PAM: variants seen among roughly 807,000 people sequenced by gnomAD.
The protein encoded by PAM is peptidyl-glycine alpha-amidating monooxygenase.
In PAM, 72 loss-of-function variants were observed where a neutral mutation model predicts 122.1. The ratio of observed to expected loss-of-function variants is 0.59; its 90% CI spans 0.49 to 0.72. The LOEUF (loss-of-function observed/expected upper bound fraction) is 0.72, where lower values mean the gene tolerates loss of function less well. PAM is among the 30% of genes least tolerant of loss of function. The probability of loss-of-function intolerance (pLI) is 0.00; values close to 1 mark genes in which losing one functional copy is unlikely to be tolerated. For synonymous variants in PAM, 389 were observed against 404.4 expected (o/e 0.96, Z 0.46); for missense variants, 1,106 against 1,183.7 (o/e 0.93, Z 0.96).
chr5:102,951,914 G>T (rs1339806124), intron 12 of PAM, among the ~76,000 whole-genome samples: 1 of 151,970 alleles, frequency 6.6e-6, no homozygotes, highest in Non-Finnish European at 1.5e-5. Context: ...AACGATGATG[G>T]TAAGAAAAAG....
chr5:102,889,211 C>T (rs1794054126), intron 3 of PAM, among the ~76,000 whole-genome samples: 1 of 151,960 alleles, frequency 6.6e-6, no homozygotes, highest in African/African-American at 2.4e-5. Context: ...GGCTCCCTTG[C>T]TCTCTGGCTT....
chr5:102,977,646 A>G (rs1768112390), intron 15 of PAM, among the ~76,000 whole-genome samples: 1 of 144,826 alleles, frequency 6.9e-6, no homozygotes, highest in African/African-American at 2.6e-5. Context: ...CCCAACACAC[A>G]CATGCATGTG....
chr5:102,869,739 T>C (rs1488309284), intron 3 of PAM, among the ~76,000 whole-genome samples: 1 of 152,134 alleles, frequency 6.6e-6, no homozygotes, highest in East Asian at 1.9e-4. Flanking sequence ...GGTGTTCTAG[T>C]GAGGAAGACC....
At chr5:103,006,121 G>A (rs534391132) in intron 18 of PAM, among the ~76,000 whole-genome samples, 1 of 152,190 alleles carries the variant, frequency 6.6e-6, no homozygotes, top group South Asian at 2.1e-4. Flanking sequence ...ATTTTTTGTA[G>A]AGATGGGATT....
intron 15 of PAM, among the ~76,000 whole-genome samples, chr5:102,978,948 T>C (rs1472481696): frequency 6.6e-6 from 1 of 151,852 alleles, no homozygotes; most frequent in East Asian, 1.9e-4. Flanking sequence ...GTATCCGAAA[T>C]TCCACAGCTC....
At chr5:102,881,689 CTT>C (rs74272371) in intron 3 of PAM, among the ~76,000 whole-genome samples, 13,310 of 141,074 alleles carry the variant, frequency 0.094, 1,467 homozygotes, top group African/African-American at 0.26. Context: ...GTGATCCTAT[CTT>C]TTTTTTTTTT....
intron 15 of PAM, among the ~76,000 whole-genome samples, chr5:102,981,142 A>G (rs754328086): frequency 1.1e-4 from 17 of 152,218 alleles, no homozygotes; most frequent in Admixed American, 2.6e-4. Context: ...CAGACTTCCA[A>G]GCACTTACCA....
intron 7 of PAM, among the ~76,000 whole-genome samples, chr5:102,930,645 AC>A (rs1751166127): frequency 6.6e-6 from 1 of 152,106 alleles, no homozygotes; most frequent in Non-Finnish European, 1.5e-5. Flanking sequence ...TTCCTAAAGC[AC>A]TCAGAATGCT....
chr5:102,847,206 T>A (rs1482305956), intron 1 of PAM, among the ~76,000 whole-genome samples: 1 of 152,134 alleles, frequency 6.6e-6, no homozygotes, highest in Non-Finnish European at 1.5e-5. Flanking sequence ...TAAGAAACCC[T>A]TCTGCTGGAA....
chr5:102,839,182 C>G (rs1274981843), intron 1 of PAM, among the ~76,000 whole-genome samples: 2 of 152,126 alleles, frequency 1.3e-5, no homozygotes, highest in Non-Finnish European at 2.9e-5. Flanking sequence ...TCTATCAAAA[C>G]AAGCTCCAGG....
chr5:102,889,408 C>G (rs1465886168), intron 3 of PAM, among the ~76,000 whole-genome samples: 1 of 151,894 alleles, frequency 6.6e-6, no homozygotes, highest in Non-Finnish European at 1.5e-5. Flanking sequence ...TTTGGTAACT[C>G]TTCCTCTTCT....
rs1266833168 is a variant in PAM, at chr5:102,964,500, TC to T, written c.1162+3273del. On this transcript the variant is annotated intron_variant, in intron 14 of 25. Coordinates refer to ENST00000438793, the MANE Select transcript of PAM (RefSeq NM_001177306.2). ...TATGACAGTTTTACTTATCATGTTG[TC>T]CTGGATCATGCAACAATAGGAAACA... Among the ~76,000 whole-genome samples, 22 of 152,028 alleles carry T rather than the reference TC, an allele frequency of 1.4e-4. No homozygotes were observed. In the East Asian group the frequency reaches 4.1e-3, roughly 28 times the overall value.
chr5:102,880,049 G>C (rs950228310), intron 3 of PAM, among the ~76,000 whole-genome samples: 18 of 152,178 alleles, frequency 1.2e-4, no homozygotes, highest in African/African-American at 4.3e-4. Flanking sequence ...TGGAAGCCAA[G>C]GAAGGTGGAT....
chr5:102,993,785 G>A (rs1356570384), intron 16 of PAM, among the ~76,000 whole-genome samples: 1 of 152,008 alleles, frequency 6.6e-6, no homozygotes. Flanking sequence ...AATTCACATT[G>A]TCATCCTAAT....
intron 7 of PAM, among the ~76,000 whole-genome samples, chr5:102,936,948 G>A (rs1423877370): frequency 6.6e-6 from 1 of 152,042 alleles, no homozygotes; most frequent in Non-Finnish European, 1.5e-5. Flanking sequence ...TGGGGCCTAG[G>A]ACATGAGCAG....
intron 15 of PAM, among the ~76,000 whole-genome samples, chr5:102,986,760 G>T (rs932498505): frequency 6.6e-6 from 1 of 152,078 alleles, no homozygotes; most frequent in East Asian, 1.9e-4. Context: ...GAATCATGGG[G>T]TCAGTTTCCC....
intron 7 of PAM, among the ~76,000 whole-genome samples, chr5:102,932,910 C>T (rs115371462): frequency 1.8e-3 from 272 of 152,232 alleles, no homozygotes; most frequent in African/African-American, 6.2e-3. Flanking sequence ...TTGCCATCTC[C>T]TATCTGTTCT....
intron 14 of PAM, among the ~76,000 whole-genome samples, chr5:102,962,505 A>G (rs903694759): frequency 6.6e-6 from 1 of 151,824 alleles, no homozygotes; most frequent in Non-Finnish European, 1.5e-5. Flanking sequence ...TTGTCTTAGA[A>G]TACATTTACA....
intron 1 of PAM, among the ~76,000 whole-genome samples, chr5:102,780,753 CT>C (rs1758546791): frequency 2.7e-5 from 2 of 74,558 alleles, no homozygotes; most frequent in South Asian, 5.8e-4. Flanking sequence ...TTCTTTCTTT[CT>C]CTTTCTTTCT....
Sources: gnomAD v4.1 joint callset for allele counts (sites outside exome capture counted in the v4.1 genomes callset) on GRCh38, gnomAD v4.1.1 for gene constraint, MANE v1.5 for transcripts, NCBI Gene and HGNC (gene_info 2026-07-23, HGNC 2026-07-21) for gene names.